Variants in GRM7 observed in about 807,000 individuals in gnomAD.
GRM7 encodes the protein glutamate metabotropic receptor 7, also known as metabotropic glutamate receptor 7.
In GRM7, 35 loss-of-function variants were observed where a neutral mutation model predicts 84.5. The observed-to-expected ratio is 0.41, with a 90% CI of 0.32 to 0.55. The LOEUF is 0.55. GRM7 is among the 20% of genes least tolerant of loss of function. The pLI, the probability that GRM7 is intolerant of heterozygous loss-of-function variation, is 0.19. For synonymous variants in GRM7, 487 were observed against 455.1 expected (o/e 1.07, Z -0.89); for missense variants, 1,003 against 1,194.6 (o/e 0.84, Z 2.36).
At chr3:6,972,333 C>G (rs182003424) in intron 1 of GRM7, among the ~76,000 whole-genome samples, 145 of 152,260 alleles carry the variant, frequency 9.5e-4, no homozygotes, top group Non-Finnish European at 1.6e-3. Flanking sequence ...GCAGTACTGG[C>G]TTTTCCACTG....
intron 1 of GRM7, among the ~76,000 whole-genome samples, chr3:6,972,476 C>T (rs1191838714): frequency 6.6e-6 from 1 of 152,148 alleles, no homozygotes; most frequent in African/African-American, 2.4e-5. Context: ...AGGTTCCTCG[C>T]TTTTACTTTC....
At chr3:7,543,574 G>A (rs1046419554) in intron 7 of GRM7, among the ~76,000 whole-genome samples, 55 of 152,322 alleles carry the variant, frequency 3.6e-4, no homozygotes, top group African/African-American at 1.3e-3. Context: ...CTGGAAACCT[G>A]CCCCTTTCAG....
At chr3:7,002,726 C>A (rs896481806) in intron 1 of GRM7, among the ~76,000 whole-genome samples, 1 of 152,088 alleles carries the variant, frequency 6.6e-6, no homozygotes, top group African/African-American at 2.4e-5. Context: ...ATCCAGCAAT[C>A]CCATTTCTGG....
intron 1 of GRM7, among the ~76,000 whole-genome samples, chr3:6,919,159 TAAGTA>T: frequency 6.6e-6 from 1 of 152,216 alleles, no homozygotes; most frequent in East Asian, 1.9e-4. Flanking sequence ...TATGGAGACA[TAAGTA>T]AAGGAAATCT....
chr3:7,345,444 T>A (rs2125084742), intron 4 of GRM7, among the ~76,000 whole-genome samples: 1 of 151,862 alleles, frequency 6.6e-6, no homozygotes, highest in South Asian at 2.1e-4. Context: ...CATGCCTGGC[T>A]TATTTATTTA....
At chr3:7,371,655 G>C (rs1040167684) in intron 4 of GRM7, among the ~76,000 whole-genome samples, 3 of 152,152 alleles carry the variant, frequency 2.0e-5, no homozygotes, top group African/African-American at 7.2e-5. Context: ...ACTTTGCTCA[G>C]TCTCTTTTCT....
At chr3:7,415,508 G>T (rs1254111418) in intron 5 of GRM7, among the ~76,000 whole-genome samples, 2 of 152,116 alleles carry the variant, frequency 1.3e-5, no homozygotes, top group African/African-American at 2.4e-5. Flanking sequence ...GCCATTGTCG[G>T]ATTTAACTGT....
At chr3:7,125,255 G>A (rs560503719) in intron 1 of GRM7, among the ~76,000 whole-genome samples, 3 of 152,198 alleles carry the variant, frequency 2.0e-5, no homozygotes, top group Admixed American at 6.5e-5. Flanking sequence ...TTTTTTATTA[G>A]CTGCACAGGG....
chr3:7,572,651 CTACAAAAAAAA>C (rs1378850712), intron 7 of GRM7, among the ~76,000 whole-genome samples: 1 of 150,384 alleles, frequency 6.6e-6, no homozygotes, highest in Non-Finnish European at 1.5e-5. Context: ...AACCCCATCT[CTACAAAAAAAA>C]TACAAAAAAA....
chr3:7,511,134 C>T (rs2124977304), intron 7 of GRM7, among the ~76,000 whole-genome samples: 1 of 152,232 alleles, frequency 6.6e-6, no homozygotes, highest in Middle Eastern at 3.4e-3. Context: ...TACCCACATC[C>T]TAATTTCATT....
At chr3:7,303,666 T>A (rs1050904723) in intron 3 of GRM7, among the ~76,000 whole-genome samples, 3 of 152,088 alleles carry the variant, frequency 2.0e-5, no homozygotes, top group African/African-American at 7.2e-5. Flanking sequence ...CTTTCATTGT[T>A]ATCTTTAATA....
intron 7 of GRM7, among the ~76,000 whole-genome samples, chr3:7,525,287 G>A (rs566420435): frequency 9.0e-4 from 137 of 152,098 alleles, no homozygotes; most frequent in African/African-American, 3.2e-3. Flanking sequence ...AAAAAAATCT[G>A]TGGTACACGT....
intron 1 of GRM7, among the ~76,000 whole-genome samples, chr3:6,877,832 C>T (rs1559301109): frequency 6.6e-6 from 1 of 151,268 alleles, no homozygotes; most frequent in Non-Finnish European, 1.5e-5. Context: ...CACACACACA[C>T]ACACACACAC....
At chr3:7,308,074 G>A (rs1005612289) in intron 4 of GRM7, among the ~76,000 whole-genome samples, 1 of 152,192 alleles carries the variant, frequency 6.6e-6, no homozygotes, top group Non-Finnish European at 1.5e-5. Flanking sequence ...TGAAGGAACA[G>A]GACACATTAG....
At chr3:7,453,641 C>G (rs73015549) in intron 6 of GRM7, among the ~76,000 whole-genome samples, 12,333 of 152,146 alleles carry the variant, frequency 0.081, 630 homozygotes, top group Admixed American at 0.13. Flanking sequence ...CTGGCCTCCC[C>G]TGCACAAAGA....
At chr3:7,158,823 G>A (rs1271524819) in intron 2 of GRM7, among the ~76,000 whole-genome samples, 1 of 151,934 alleles carries the variant, frequency 6.6e-6, no homozygotes, top group African/African-American at 2.4e-5. Flanking sequence ...TTTAGCCTAC[G>A]CTGTGTTATA....
At chr3:7,101,302 T>G (rs922677015) in intron 1 of GRM7, among the ~76,000 whole-genome samples, 8 of 151,764 alleles carry the variant, frequency 5.3e-5, no homozygotes, top group African/African-American at 1.9e-4. Flanking sequence ...GCCTTTTCAA[T>G]GGGTGGATAT....
chr3:7,685,654 C>G (rs755540637), intron 9 of GRM7, among the ~76,000 whole-genome samples: 2 of 152,040 alleles, frequency 1.3e-5, no homozygotes, highest in Non-Finnish European at 2.9e-5. Flanking sequence ...GAATTGTATT[C>G]TGATGGTGTT....
intron 1 of GRM7, among the ~76,000 whole-genome samples, chr3:6,920,943 C>T (rs1697102324): frequency 6.6e-6 from 1 of 152,146 alleles, no homozygotes; most frequent in Non-Finnish European, 1.5e-5. Flanking sequence ...TCTAAAGATA[C>T]ATCTTAGATT....
Sources: allele counts gnomAD v4.1 joint callset (sites outside exome capture counted in the v4.1 genomes callset), GRCh38; gene constraint gnomAD v4.1.1; transcripts MANE v1.5; gene names NCBI Gene and HGNC (gene_info 2026-07-23, HGNC 2026-07-21).